Variants in PPP5C observed in about 807,000 individuals in gnomAD.
PPP5C encodes serine/threonine-protein phosphatase 5.
Under a neutral mutation model 66.7 loss-of-function variants are expected in PPP5C, and 21 were observed. The ratio of observed to expected loss-of-function variants is 0.31; its 90% CI spans 0.22 to 0.45. PPP5C has a LOEUF of 0.45. Ranked by LOEUF, PPP5C falls within the 20% of genes least tolerant of loss-of-function variation. The probability of loss-of-function intolerance (pLI) is 1.00; values close to 1 mark genes in which losing one functional copy is unlikely to be tolerated. For missense variants in PPP5C, 464 were observed against 675.9 expected, an observed-to-expected ratio of 0.69 and a Z score of 3.48; for synonymous variants, 246 against 257.4, an observed-to-expected ratio of 0.96 and a Z score of 0.43.
At chr19:46,384,760 CACCCT>C in intron 6 of PPP5C, 39 bp from the exon 7 acceptor site, 62 of 1,303,082 alleles carry the variant, frequency 4.8e-5, no homozygotes, top group Non-Finnish European at 6.0e-5. Context: ...CACCGCACCG[CACCCT>C]TCCCCTCCAC....
intron 2 of PPP5C, among the ~76,000 whole-genome samples, chr19:46,364,306 G>T (rs1459960241): frequency 6.6e-6 from 1 of 152,040 alleles, no homozygotes; most frequent in Non-Finnish European, 1.5e-5. Context: ...TTTTAATCAG[G>T]TTTTAGCCAG....
intron 1 of PPP5C, among the ~76,000 whole-genome samples, chr19:46,352,282 T>G (rs969176953): frequency 1.3e-5 from 2 of 151,994 alleles, no homozygotes; most frequent in Non-Finnish European, 2.9e-5. Context: ...TTGAGAACAT[T>G]AAAATGGGAG....
intron 6 of PPP5C, 28 bp from the exon 7 acceptor site, chr19:46,384,776 G>A (rs1173066466): frequency 1.9e-6 from 3 of 1,540,400 alleles, no homozygotes; most frequent in African/African-American, 1.4e-5. Flanking sequence ...TCCCCTCCAC[G>A]CTTGCCATGT....
At chr19:46,373,951 T>G (rs753680207) in intron 2 of PPP5C, among the ~76,000 whole-genome samples, 1 of 151,940 alleles carries the variant, frequency 6.6e-6, no homozygotes, top group Non-Finnish European at 1.5e-5. Flanking sequence ...GCCGGGGACA[T>G]GAGTGGTCTG....
chr19:46,389,908 CTCTG>C (rs1972982218), intron 11 of PPP5C, 139 bp from the exon 12 acceptor site: 3 of 668,360 alleles, frequency 4.5e-6, no homozygotes, highest in Admixed American at 2.2e-5. Flanking sequence ...TCTTTCCCAT[CTCTG>C]TCTCTCTGTC....
intron 2 of PPP5C, among the ~76,000 whole-genome samples, chr19:46,369,305 C>A (rs1972542888): frequency 6.6e-6 from 1 of 152,168 alleles, no homozygotes; most frequent in African/African-American, 2.4e-5. Context: ...GCTGTGGCAA[C>A]TGTAGCAAAA....
At chr19:46,375,520 T>C (rs1159324007) in intron 2 of PPP5C, 84 bp from the exon 3 acceptor site, 6 of 1,547,878 alleles carry the variant, frequency 3.9e-6, no homozygotes, top group Non-Finnish European at 3.5e-6. Flanking sequence ...TCCACTTTCA[T>C]GGAACCCAGG....
intron 2 of PPP5C, among the ~76,000 whole-genome samples, chr19:46,374,780 G>A (rs1193013640): frequency 6.6e-6 from 1 of 152,170 alleles, no homozygotes; most frequent in African/African-American, 2.4e-5. Context: ...ATTCACCCAT[G>A]CAGCTCTCCC....
chr19:46,353,633 C>T, intron 1 of PPP5C, 115 bp from the exon 2 acceptor site: 1 of 1,446,944 alleles, frequency 6.9e-7, no homozygotes, highest in Non-Finnish European at 9.5e-7. Context: ...TCTCTGGGCT[C>T]AGGGTAGCCC....
chr19:46,357,131 T>TC (rs1972300759), intron 2 of PPP5C, among the ~76,000 whole-genome samples: 1 of 152,220 alleles, frequency 6.6e-6, no homozygotes. Context: ...CACTGCAACC[T>TC]CTGCCTCTTG....
At chr19:46,368,188 C>A (rs1972523074) in intron 2 of PPP5C, among the ~76,000 whole-genome samples, 1 of 152,206 alleles carries the variant, frequency 6.6e-6, no homozygotes, top group Non-Finnish European at 1.5e-5. Flanking sequence ...CCTTACCACA[C>A]CCCCACTTCA....
rs978883338 is a variant in PPP5C, at chr19:46,388,483, TG to T, written c.1176+38del. The stretch of plus-strand genomic sequence containing the variant: ...GGGTGGGGTGCAGGGCCGGCGGGTG[TG>T]GGCTGTGGCAGCAGGTGGAGGCAGA... On this transcript the variant is annotated intron_variant, in intron 10 of 12. Coordinates refer to ENST00000012443, the MANE Select transcript of PPP5C (RefSeq NM_006247.4). The surrounding 1 kb of genome is among the most constrained non-coding windows in gnomAD (Gnocchi z 4.9). 2.4e-5 allele frequency: 39 copies of T among 1,610,188 alleles called. No homozygotes were observed. The highest frequency in any genetic ancestry group is 1.6e-4 in the Middle Eastern group (1 of 6,068).
intron 1 of PPP5C, 101 bp from the exon 2 acceptor site, chr19:46,353,647 G>T: frequency 6.5e-7 from 1 of 1,534,972 alleles, no homozygotes. Flanking sequence ...GTAGCCCTCA[G>T]CTTCCCCATC....
intron 1 of PPP5C, among the ~76,000 whole-genome samples, chr19:46,351,558 T>C (rs1972185215): frequency 6.6e-6 from 1 of 152,172 alleles, no homozygotes; most frequent in Admixed American, 6.5e-5. Context: ...CAGAGCCGGG[T>C]GGCAGGCCCT....
chr19:46,388,837 C>G lies in PPP5C; in HGVS notation c.1355+106C>G. 7.1e-7 allele frequency: 1 copy of G among 1,411,186 alleles called. No homozygotes were observed. The highest frequency in any genetic ancestry group is 1.3e-5 in the South Asian group (1 of 75,210). 87.4% of individuals were successfully genotyped at this position (1,411,186 alleles called of 1,614,324 possible). ...GGAACATTTCAAAGACAGGCAAGAG[C>G]AGATAAAAGAACATGACGAACACCC... On this transcript the variant is annotated intron_variant, in intron 11 of 12. Coordinates refer to ENST00000012443, the MANE Select transcript of PPP5C (RefSeq NM_006247.4). This position sits in a 1 kb window ranked among gnomAD's most constrained non-coding sequence, Gnocchi z 4.9.
chr19:46,378,945 GTGATCTTGGCTCAC>G (rs1176938757), intron 4 of PPP5C, among the ~76,000 whole-genome samples: 1 of 151,522 alleles, frequency 6.6e-6, no homozygotes, highest in Admixed American at 6.6e-5. Context: ...GTGCAATGGT[GTGATCTTGGCTCAC>G]TGCAACTTCT....
At chr19:46,365,152 T>C (rs1331080424) in intron 2 of PPP5C, among the ~76,000 whole-genome samples, 1 of 152,086 alleles carries the variant, frequency 6.6e-6, no homozygotes, top group Non-Finnish European at 1.5e-5. Flanking sequence ...CCAGCTACTT[T>C]TTGTGTTTTT....
At chr19:46,367,214 T>C (rs1390008699) in intron 2 of PPP5C, among the ~76,000 whole-genome samples, 5 of 152,244 alleles carry the variant, frequency 3.3e-5, no homozygotes, top group African/African-American at 1.2e-4. Context: ...TACGGTTTCT[T>C]AGGAATTATC....
chr19:46,355,328 C>T (rs904216870), intron 2 of PPP5C, among the ~76,000 whole-genome samples: 2 of 152,164 alleles, frequency 1.3e-5, no homozygotes, highest in African/African-American at 2.4e-5. Context: ...CCATCACACT[C>T]GGAGCTGCTT....
Sources: gnomAD v4.1 joint callset for allele counts (sites outside exome capture counted in the v4.1 genomes callset) on GRCh38, gnomAD v4.1.1 for gene constraint, Gnocchi (gnomAD v3.1) non-coding constraint, MANE v1.5 for transcripts, NCBI Gene and HGNC (gene_info 2026-07-23, HGNC 2026-07-21) for gene names.